Variants in TAOK3 observed in about 807,000 individuals in gnomAD.
TAOK3 encodes the protein TAO kinase 3, also known as serine/threonine-protein kinase TAO3.
TAOK3 carries 40 observed loss-of-function variants against 120.4 expected under a neutral mutation model. The ratio of observed to expected loss-of-function variants is 0.33; its 90% CI spans 0.26 to 0.43. The LOEUF (loss-of-function observed/expected upper bound fraction) is 0.43, where lower values mean the gene tolerates loss of function less well. TAOK3 is among the 20% of genes least tolerant of loss of function. The pLI is 1.00. For missense variants in TAOK3, 821 were observed against 1,112.1 expected (o/e 0.74, Z 3.72); for synonymous variants, 355 against 387.5 (o/e 0.92, Z 0.99).
intron 1 of TAOK3, among the ~76,000 whole-genome samples, chr12:118,334,736 C>T (rs1429814361): frequency 6.6e-6 from 1 of 150,606 alleles, no homozygotes; most frequent in Non-Finnish European, 1.5e-5. Context: ...ATTAGCTGGG[C>T]GTGGTGGCAC....
At chr12:118,333,861 T>C (rs945941171) in intron 1 of TAOK3, among the ~76,000 whole-genome samples, 1 of 146,332 alleles carries the variant, frequency 6.8e-6, no homozygotes, top group Non-Finnish European at 1.5e-5. Context: ...TGAGGCTGGG[T>C]GTGGAGGCTC....
chr12:118,230,008 T>C (rs1565982543), intron 9 of TAOK3, among the ~76,000 whole-genome samples: 1 of 152,212 alleles, frequency 6.6e-6, no homozygotes, highest in African/African-American at 2.4e-5. Flanking sequence ...AGATATTAAT[T>C]AATCTTCATA....
Position 118,246,113 on chromosome 12 carries a change from GC to G in TAOK3, c.121-1149del, listed in dbSNP as rs2040484209. ...CGGATGACGCCGGTGCAGCGGGGGG[GC>G]ACGGAGGCCCTGGTGGCCCTGGGAT... On this transcript the variant is annotated intron_variant, in intron 3 of 20. Coordinates refer to ENST00000392533, the MANE Select transcript of TAOK3 (RefSeq NM_016281.4). 3 of 1,355,516 alleles carry G rather than the reference GC, an allele frequency of 2.2e-6. No homozygotes were observed. The East Asian group carries it at 7.5e-5, about 34-fold the overall frequency. The allele number at this position is 1,355,516 out of a possible 1,614,324, so 84.0% of individuals were successfully genotyped here.
intron 19 of TAOK3, among the ~76,000 whole-genome samples, chr12:118,154,363 C>T (rs937607220): frequency 1.3e-5 from 2 of 152,272 alleles, no homozygotes; most frequent in Non-Finnish European, 2.9e-5. Flanking sequence ...TGACTGATGG[C>T]CCAGTGCTAG....
intron 9 of TAOK3, among the ~76,000 whole-genome samples, chr12:118,228,432 G>A (rs946807814): frequency 5.9e-5 from 9 of 152,012 alleles, no homozygotes; most frequent in Non-Finnish European, 8.8e-5. Flanking sequence ...GATTACAAGC[G>A]TGAGCCACTG....
At chr12:118,366,189 A>G (rs2045736699) in intron 1 of TAOK3, among the ~76,000 whole-genome samples, 1 of 152,186 alleles carries the variant, frequency 6.6e-6, no homozygotes, top group African/African-American at 2.4e-5. Flanking sequence ...ACTTGAACCC[A>G]GGAGGTGGAG....
At chr12:118,283,074 CTGAG>C (rs1352519418) in intron 1 of TAOK3, among the ~76,000 whole-genome samples, 7 of 152,292 alleles carry the variant, frequency 4.6e-5, no homozygotes, top group Admixed American at 3.9e-4. Context: ...TCCCTGTAGC[CTGAG>C]TAAGTTTTAC....
intron 1 of TAOK3, among the ~76,000 whole-genome samples, chr12:118,367,679 A>G (rs1342971355): frequency 6.6e-6 from 1 of 152,136 alleles, no homozygotes; most frequent in African/African-American, 2.4e-5. Context: ...ATATCCTACA[A>G]CTTAAAAATA....
chr12:118,348,713 G>A (rs1432093684), intron 1 of TAOK3, among the ~76,000 whole-genome samples: 1 of 152,100 alleles, frequency 6.6e-6, no homozygotes, highest in Non-Finnish European at 1.5e-5. Context: ...GCCTCCCAAA[G>A]TGATGGGATT....
chr12:118,162,592 ACT>A (rs1244866062), intron 17 of TAOK3, among the ~76,000 whole-genome samples: 9 of 151,914 alleles, frequency 5.9e-5, no homozygotes, highest in Admixed American at 2.0e-4. Flanking sequence ...TCTGGGAAAT[ACT>A]CTGTTTTTGC....
At chr12:118,245,982 C>G in intron 3 of TAOK3, 1 of 556,878 alleles carries the variant, frequency 1.8e-6, no homozygotes, top group South Asian at 2.4e-5. Context: ...TGGTCAAAAA[C>G]AAGCTATAAA....
chr12:118,330,094 G>A lies in TAOK3; in HGVS notation c.-194+42554C>T, dbSNP rs541431378. Reference sequence around the variant, plus strand: ...TGCTTTCTAGAAAATAATGACAGAAGTCCTAAAATCTGAACTCTCATTTCC... The same window carrying A: ...TGCTTTCTAGAAAATAATGACAGAAATCCTAAAATCTGAACTCTCATTTCC... On this transcript the variant is annotated intron_variant, in intron 1 of 20. Transcript: ENST00000392533. 5.9e-5 allele frequency among the ~76,000 whole-genome samples: 9 copies of A among 152,254 alleles called. No individual in the cohort carries two copies. In the East Asian group the frequency reaches 1.4e-3, roughly 23 times the overall value.
intron 9 of TAOK3, among the ~76,000 whole-genome samples, chr12:118,216,247 C>T (rs952934375): frequency 1.3e-5 from 2 of 152,226 alleles, no homozygotes; most frequent in African/African-American, 2.4e-5. Flanking sequence ...CCTGCCTCAG[C>T]CTCCCAAAGT....
chr12:118,286,553 T>C (rs1436857446), intron 1 of TAOK3, among the ~76,000 whole-genome samples: 1 of 141,040 alleles, frequency 7.1e-6, no homozygotes, highest in Non-Finnish European at 1.6e-5. Context: ...AGAATGGCCA[T>C]AATAAAAAAA....
chr12:118,261,067 C>T (rs367657457), intron 2 of TAOK3, among the ~76,000 whole-genome samples: 1 of 151,652 alleles, frequency 6.6e-6, no homozygotes, highest in East Asian at 1.9e-4. Flanking sequence ...GAGACTTTGC[C>T]GAAAAAGGGG....
At chr12:118,309,608 C>T (rs768942267) in intron 1 of TAOK3, among the ~76,000 whole-genome samples, 4 of 151,806 alleles carry the variant, frequency 2.6e-5, no homozygotes, top group African/African-American at 7.3e-5. Flanking sequence ...CTCCGCCTTC[C>T]GGGTTCAAGA....
intron 11 of TAOK3, among the ~76,000 whole-genome samples, chr12:118,207,858 T>TCTCACACA (rs147799225): frequency 3.5e-5 from 5 of 144,448 alleles, no homozygotes; most frequent in African/African-American, 1.0e-4. Flanking sequence ...AGACTCTGTC[T>TCTCACACA]CACACACACA....
chr12:118,189,716 A>C lies in TAOK3; in HGVS notation c.1329+91T>G. 3.4e-6 allele frequency: 5 copies of C among 1,476,680 alleles called. No individual in the cohort carries two copies. The South Asian group carries it at 6.0e-5, about 18-fold the overall frequency. 91.5% of individuals were successfully genotyped at this position (1,476,680 alleles called of 1,614,324 possible). On this transcript the variant is annotated intron_variant, in intron 14 of 20. Transcript: ENST00000392533. ...ATTCTTGACTCCTTTCCTCCCATCC[A>C]TGAAGCCGAGACAGGCTCAGGGAGG...
intron 1 of TAOK3, among the ~76,000 whole-genome samples, chr12:118,297,998 T>G (rs996417913): frequency 8.5e-5 from 13 of 152,160 alleles, no homozygotes; most frequent in Non-Finnish European, 1.6e-4. Context: ...CAGGCTGGTC[T>G]CAAACTCTTG....
Sources: gnomAD v4.1 joint callset for allele counts (sites outside exome capture counted in the v4.1 genomes callset) on GRCh38, gnomAD v4.1.1 for gene constraint, MANE v1.5 for transcripts, NCBI Gene and HGNC (gene_info 2026-07-23, HGNC 2026-07-21) for gene names.